The following RAI1 variants were observed in gnomAD, a reference collection of about 807,000 sequenced individuals.
RAI1 encodes the protein retinoic acid induced 1, also known as retinoic acid-induced protein 1.
In RAI1, 9 loss-of-function variants were observed where a neutral mutation model predicts 123.8. The observed-to-expected ratio is 0.07, with a 90% confidence interval of 0.04 to 0.13. The LOEUF (loss-of-function observed/expected upper bound fraction) is 0.13. RAI1 is among the 10% of genes least tolerant of loss of function. The pLI is 1.00. For missense variants in RAI1, 2,256 were observed against 2,545.8 expected (o/e 0.89, Z 2.45); for synonymous variants, 1,231 against 1,127.3 (o/e 1.09, Z -1.84).
At position 17,770,270 on chromosome 17, in the gene RAI1, C is replaced by T. The variant is rs551014294; in HGVS notation, c.-16-22663C>T. 2.8e-4 allele frequency among the ~76,000 whole-genome samples: 42 copies of T among 150,214 alleles called. No homozygotes were observed. The South Asian group carries it at 3.8e-3, about 14-fold the overall frequency. On this transcript the variant is annotated intron_variant, in intron 2 of 5. Transcript: ENST00000353383. ...GCTGAGCCTCAAGGACAAAGGCAGG[C>T]GGGGGCAGGGGAAGGAGCCTGTGGC...
chr17:17,729,455 T>G (rs146161081), intron 2 of RAI1, among the ~76,000 whole-genome samples: 3,277 of 152,296 alleles, frequency 0.022, 115 homozygotes, highest in African/African-American at 0.074. Flanking sequence ...CACCTCTGTG[T>G]TCCCTGAGCC....
chr17:17,798,211 C>A lies in RAI1; in HGVS notation c.5263C>A (p.Pro1755Thr), dbSNP rs763696545. Residue 1755 changes from proline (P) to threonine (T), a missense_variant, in exon 3 of 6, where the codon CCC (proline) becomes ACC (threonine). By Grantham distance (38) the Pro-to-Thr change is conservative (BLOSUM62 -1). Coordinates refer to ENST00000353383, the MANE Select transcript of RAI1 (RefSeq NM_030665.4). ...AGCTGCCGCCACTGCCGGGAAGCCC[C>A]CCAGGCCTGACGGCCCAGCTGACCC... ...CAAAATAGKP[P>T]RPDGPADPAK... The A allele has an allele frequency of 1.4e-5, 22 of 1,612,358 alleles. No homozygotes were observed. The highest frequency in any genetic ancestry group is 1.9e-5 in the Non-Finnish European group (22 of 1,179,706).
chr17:17,794,483 C>T lies in RAI1; in HGVS notation c.1535C>T (p.Pro512Leu), dbSNP rs754304224. The change falls in exon 3 of 6, where the codon CCG becomes CTG. Residue 512 changes from proline (P) to leucine (L), a missense_variant. By Grantham distance (98) the Pro-to-Leu change is moderately conservative (BLOSUM62 -3). This residue lies in a region of RAI1 where 357 missense variants were observed against 480.2 expected (regional missense o/e 0.74). Transcript: ENST00000353383. Reference protein sequence around the residue: ...SSTPQSTHAEPQEADYLSGSE... With the variant: ...SSTPQSTHAELQEADYLSGSE... The stretch of plus-strand genomic sequence containing the variant: ...ACGCCACAGTCCACGCATGCGGAGC[C>T]GCAGGAGGCCGACTACCTGAGCGGC... 7.4e-6 allele frequency: 12 copies of T among 1,611,796 alleles called. No homozygotes were observed. The highest frequency in any genetic ancestry group is 3.3e-4 in the Middle Eastern group (2 of 6,084).
At chr17:17,767,890 G>T (rs2031002597) in intron 2 of RAI1, among the ~76,000 whole-genome samples, 2 of 152,134 alleles carry the variant, frequency 1.3e-5, no homozygotes, top group African/African-American at 4.8e-5. Flanking sequence ...AGTTGAGCCG[G>T]TAAGCTCAGA....
intron 1 of RAI1, among the ~76,000 whole-genome samples, chr17:17,687,927 G>A (rs1019217209): frequency 6.6e-6 from 1 of 151,188 alleles, no homozygotes; most frequent in East Asian, 1.9e-4. Context: ...CTACTTGGGA[G>A]GCTGAGGCAC....
intron 1 of RAI1, among the ~76,000 whole-genome samples, chr17:17,697,708 C>T (rs1269500106): frequency 6.6e-6 from 1 of 152,080 alleles, no homozygotes; most frequent in Non-Finnish European, 1.5e-5. Context: ...GTGTACATGG[C>T]AGGGGGTTGC....
chr17:17,769,405 G>T (rs1474083154), intron 2 of RAI1, among the ~76,000 whole-genome samples: 1 of 152,214 alleles, frequency 6.6e-6, no homozygotes, highest in Non-Finnish European at 1.5e-5. Flanking sequence ...AGCATGTGGG[G>T]CTGGGAGCCA....
chr17:17,778,291 TG>T (rs1191103704), intron 2 of RAI1: 33 of 199,098 alleles, frequency 1.7e-4, no homozygotes, highest in African/African-American at 7.3e-4. Flanking sequence ...CAGACATACG[TG>T]GCTCCCTGGG....
chr17:17,728,661 G>C (rs1315547960), intron 2 of RAI1, among the ~76,000 whole-genome samples: 2 of 152,138 alleles, frequency 1.3e-5, no homozygotes, highest in African/African-American at 2.4e-5. Flanking sequence ...CCCAGGAGTG[G>C]GTGGCAGCCA....
chr17:17,783,019 G>T (rs1032719970), intron 2 of RAI1, among the ~76,000 whole-genome samples: 8 of 60 alleles, frequency 0.13, no homozygotes, highest in African/African-American at 0.2. Context: ...TGCTTCACTC[G>T]GCTGACTTCG....
At chr17:17,697,945 A>G (rs1458625411) in intron 1 of RAI1, among the ~76,000 whole-genome samples, 1 of 152,088 alleles carries the variant, frequency 6.6e-6, no homozygotes, top group African/African-American at 2.4e-5. Context: ...ACTTTTCATC[A>G]GTGGTGGGGC....
chr17:17,745,727 G>A (rs143246439), intron 2 of RAI1, among the ~76,000 whole-genome samples: 2 of 152,308 alleles, frequency 1.3e-5, no homozygotes, highest in East Asian at 3.9e-4. Context: ...AGGTAAGTGA[G>A]CTGGTCCAGC....
At chr17:17,722,282 T>G (rs1180922105) in intron 1 of RAI1, among the ~76,000 whole-genome samples, 1 of 152,146 alleles carries the variant, frequency 6.6e-6, no homozygotes, top group African/African-American at 2.4e-5. Flanking sequence ...AATGAATGAA[T>G]GAATGCATGC....
intron 2 of RAI1, among the ~76,000 whole-genome samples, chr17:17,783,662 A>G (rs2031708262): frequency 6.6e-6 from 1 of 151,878 alleles, no homozygotes; most frequent in African/African-American, 2.4e-5. Flanking sequence ...GCGCGCCCGC[A>G]CTCGCTGCCG....
In RAI1 at chr17:17,700,714, C is replaced by T. The variant is rs562830484; in HGVS notation, c.-149+18921C>T. On this transcript the variant is annotated intron_variant, in intron 1 of 5. Transcript: ENST00000353383. ...GCCGAGGCCGCAGTCCGGCCCCTCT[C>T]GTCCTCGGGGCGCGGCGCGTTCGTT... 8.5e-5 allele frequency among the ~76,000 whole-genome samples: 13 copies of T among 152,220 alleles called. No homozygotes were observed. The South Asian group carries it at 2.5e-3, about 29-fold the overall frequency.
intron 3 of RAI1, 85 bp from the exon 4 acceptor site, chr17:17,803,671 C>A: frequency 7.9e-7 from 1 of 1,265,696 alleles, no homozygotes; most frequent in Non-Finnish European, 1.2e-6. Context: ...CAGGCATGAG[C>A]CACTGCACCT....
intron 1 of RAI1, among the ~76,000 whole-genome samples, chr17:17,686,112 T>G (rs761857072): frequency 1.2e-4 from 18 of 152,240 alleles, no homozygotes; most frequent in Non-Finnish European, 2.5e-4. Flanking sequence ...CACGTCTCCT[T>G]GCTCTCTCCG....
At chr17:17,737,412 T>G (rs1043774966) in intron 2 of RAI1, among the ~76,000 whole-genome samples, 1 of 152,064 alleles carries the variant, frequency 6.6e-6, no homozygotes, top group Non-Finnish European at 1.5e-5. Flanking sequence ...AATGCAGCCT[T>G]TGCCACCCCC....
rs61178443 is a variant in RAI1, at chr17:17,717,544, A to G, written c.-148-6484A>G. 9.3e-3 allele frequency among the ~76,000 whole-genome samples: 1,410 copies of G among 151,840 alleles called. 24 individuals are homozygous for G. Among genetic ancestry groups the G allele is most frequent in the African/African-American group, 0.03 (1,255 of 41,390 alleles). ...CTGGTGCCTAACCCTGTGGCTCTAT[A>G]ACCCTCCTTCTCTCTTCTCCTACCC... is the stretch of plus-strand genomic sequence containing the variant. On this transcript the variant is annotated intron_variant, in intron 1 of 5. Coordinates refer to ENST00000353383, the MANE Select transcript of RAI1 (RefSeq NM_030665.4).
Sources: allele counts gnomAD v4.1 joint callset (sites outside exome capture counted in the v4.1 genomes callset), GRCh38; gene constraint gnomAD v4.1.1; regional missense constraint gnomAD v4.1.1; transcripts MANE v1.5; gene names NCBI Gene and HGNC (gene_info 2026-07-23, HGNC 2026-07-21).